Variants in B3GNT5 observed in about 807,000 individuals in gnomAD.
B3GNT5 encodes UDP-GlcNAc:betaGal beta-1,3-N-acetylglucosaminyltransferase 5.
B3GNT5 carries 11 observed loss-of-function variants against 25.9 expected under a neutral mutation model. The ratio of observed to expected loss-of-function variants is 0.42; its 90% CI spans 0.27 to 0.70. The LOEUF (loss-of-function observed/expected upper bound fraction) is 0.70, where lower values mean the gene tolerates loss of function less well. Ranked by LOEUF, B3GNT5 falls within the 30% of genes least tolerant of loss-of-function variation. The probability of loss-of-function intolerance (pLI) is 0.23; values close to 1 mark genes in which losing one functional copy is unlikely to be tolerated. For missense variants in B3GNT5, 385 were observed against 458.4 expected, an observed-to-expected ratio of 0.84 and a Z score of 1.46; for synonymous variants, 166 against 158.6, an observed-to-expected ratio of 1.05 and a Z score of -0.35.
chr3:183,272,340 T>G lies in B3GNT5; in HGVS notation c.*1405T>G. 2 of 1,000,268 alleles carry G rather than the reference T, an allele frequency of 2.0e-6. No homozygotes were observed. Among genetic ancestry groups the G allele is most frequent in the Non-Finnish European group, 2.4e-6 (2 of 829,992 alleles). The allele number at this position is 1,000,268 out of a possible 1,614,324, so 62.0% of individuals were successfully genotyped here. On this transcript the variant is annotated 3_prime_UTR_variant, in exon 2 of 2. Transcript: ENST00000326505. ...AAATAATGACTTCAGCAAGAGTGAC[T>G]GAACTCACTCTAAGGCCTTTGACTG...
At chr3:183,262,133 A>C (rs1725657653) in intron 1 of B3GNT5, among the ~76,000 whole-genome samples, 1 of 126,756 alleles carries the variant, frequency 7.9e-6, no homozygotes, top group Non-Finnish European at 1.5e-5. Context: ...TCGTTTTATG[A>C]TACTTTATTA....
chr3:183,266,588 G>GA (rs531215950), intron 1 of B3GNT5, among the ~76,000 whole-genome samples: 1 of 152,204 alleles, frequency 6.6e-6, no homozygotes, highest in African/African-American at 2.4e-5. Flanking sequence ...GAGCACTGTG[G>GA]AAAGACTGAG....
At chr3:183,256,955 CCCTTAGCCATCAGATCAGTATTTTTA>C (rs1302455038) in intron 1 of B3GNT5, among the ~76,000 whole-genome samples, 1 of 152,106 alleles carries the variant, frequency 6.6e-6, no homozygotes, top group Admixed American at 6.5e-5. Context: ...TGTTAAATGG[CCCTTAGCCATCAGATCAGTATTTTTA>C]AAAACTCCTA....
Position 183,270,741 on chromosome 3 carries a change from A to G in B3GNT5, c.943A>G (p.Ile315Val), listed in dbSNP as rs987923780. 2 of 1,613,702 alleles carry G rather than the reference A, an allele frequency of 1.2e-6. No individual in the cohort carries two copies. The highest frequency in any genetic ancestry group is 2.2e-5 in the East Asian group (1 of 44,906). ...GGGTAAAACTCCTTATCATCCCTGC[A>G]TCTATGAAAAAATGATGACATCTCA... ...GEGKTPYHPC[I>V]YEKMMTSHGH... The change falls in exon 2 of 2, where the codon ATC (isoleucine) becomes GTC (valine). Residue 315 changes from isoleucine to valine, a missense_variant. Transcript: ENST00000326505. The surrounding 1 kb of genome is among the most constrained non-coding windows in gnomAD (Gnocchi z 4.5).
intron 1 of B3GNT5, among the ~76,000 whole-genome samples, chr3:183,264,234 T>A (rs1258533279): frequency 6.6e-6 from 1 of 152,156 alleles, no homozygotes; most frequent in Non-Finnish European, 1.5e-5. Context: ...CATACACAGT[T>A]CTTGTCTAAA....
At chr3:183,262,485 A>T (rs1485964102) in intron 1 of B3GNT5, among the ~76,000 whole-genome samples, 1 of 152,076 alleles carries the variant, frequency 6.6e-6, no homozygotes. Flanking sequence ...GCATCAAAAT[A>T]TTATACTGAC....
rs1726699486 is a variant in B3GNT5 at position 183,270,791 on chromosome 3, C to G, written c.993C>G (p.Asp331Glu). 6.2e-7 allele frequency: 1 copy of G among 1,614,010 alleles called. No homozygotes were observed. Among genetic ancestry groups the G allele is most frequent in the Admixed American group, 1.7e-5 (1 of 59,986 alleles). ...TSHGHLEDLQ[D>E]LWKNATDPKV... ...ATGGACACTTAGAAGATCTCCAGGACCTTTGGAAGAATGCTACAGATCCTA... is the reference window on the plus strand; with the variant it reads ...ATGGACACTTAGAAGATCTCCAGGAGCTTTGGAAGAATGCTACAGATCCTA... Residue 331 changes from aspartate (D) to glutamate (E), a missense_variant, in exon 2 of 2, where the codon GAC becomes GAG. Coordinates refer to ENST00000326505, the MANE Select transcript of B3GNT5 (RefSeq NM_032047.5). The surrounding 1 kb of genome is among the most constrained non-coding windows in gnomAD (Gnocchi z 4.5).
At chr3:183,254,063 T>TCCGCCCCGCCC (rs1256424578) in intron 1 of B3GNT5, 6 of 151,772 alleles carry the variant, frequency 4.0e-5, no homozygotes, top group East Asian at 3.9e-4. Context: ...GGCCGGCCCC[T>TCCGCCCCGCCC]CCGCCCCGCC....
At chr3:183,253,611 G>A (rs1365695549) in intron 1 of B3GNT5, 139 bp downstream of exon 1, 1 of 152,336 alleles carries the variant, frequency 6.6e-6, no homozygotes, top group East Asian at 1.9e-4. Flanking sequence ...CCACGCATAA[G>A]TGGTGTGACC....
chr3:183,269,783 A>C lies in B3GNT5; in HGVS notation c.-16A>C. On this transcript the variant is annotated 5_prime_UTR_variant, in exon 2 of 2. Coordinates refer to ENST00000326505, the MANE Select transcript of B3GNT5 (RefSeq NM_032047.5). ...TGTTTAAAACTGATCCTAACTAAAA[A>C]CAGACTTGAGTGGATATGAGAATGT... 1.3e-6 allele frequency: 2 copies of C among 1,582,762 alleles called. No individual in the cohort carries two copies. Among genetic ancestry groups the C allele is most frequent in the East Asian group, 4.5e-5 (2 of 44,784 alleles).
intron 1 of B3GNT5, among the ~76,000 whole-genome samples, chr3:183,254,468 C>G (rs1560371597): frequency 1.3e-5 from 2 of 151,982 alleles, no homozygotes; most frequent in Admixed American, 6.6e-5. Context: ...TGGCCAGCGG[C>G]TGGGACCCAG....
At chr3:183,254,275 G>A (rs1201737482) in intron 1 of B3GNT5, 1 of 151,814 alleles carries the variant, frequency 6.6e-6, no homozygotes, top group Non-Finnish European at 1.5e-5. Flanking sequence ...GGCTGGCGTG[G>A]ACACCGGATC....
In B3GNT5 at chr3:183,257,958, C is replaced by CTTTTTTTTTT. The variant is rs35323502; in HGVS notation, c.-302+4504_-302+4513dup. On this transcript the variant is annotated intron_variant, in intron 1 of 1. Coordinates refer to ENST00000326505, the MANE Select transcript of B3GNT5 (RefSeq NM_032047.5). ...TATTCCTTGCTCCCTCCACTTCACC[C>CTTTTTTTTTT]TTTTTTTTTTTTTTTTTTTTTTTTT... Among the ~76,000 whole-genome samples the CTTTTTTTTTT allele has an allele frequency of 9.4e-3, 609 of 64,742 alleles. 121 individuals are homozygous for CTTTTTTTTTT. Among genetic ancestry groups the CTTTTTTTTTT allele is most frequent in the African/African-American group, 0.031 (448 of 14,398 alleles). The allele number at this position is 64,742 out of a possible 152,430, so 42.5% of individuals were successfully genotyped here. A position where few individuals can be genotyped will look rare whatever the true frequency, so the allele number is the denominator to read the frequency against.
At chr3:183,255,651 T>C (rs114226988) in intron 1 of B3GNT5, among the ~76,000 whole-genome samples, 174 of 152,234 alleles carry the variant, frequency 1.1e-3, no homozygotes, top group African/African-American at 4.1e-3. Context: ...GAGGTAGAGA[T>C]GCTTATAACT....
chr3:183,256,748 C>T (rs1432616326), intron 1 of B3GNT5, among the ~76,000 whole-genome samples: 1 of 152,162 alleles, frequency 6.6e-6, no homozygotes, highest in African/African-American at 2.4e-5. Context: ...ATGGACTCAC[C>T]TCAAGTTTCC....
chr3:183,272,052 C>T lies in B3GNT5; in HGVS notation c.*1117C>T, dbSNP rs192043368. On this transcript the variant is annotated 3_prime_UTR_variant, in exon 2 of 2. Coordinates refer to ENST00000326505, the MANE Select transcript of B3GNT5 (RefSeq NM_032047.5). ...AAAACAATTTATTTTTCATCAATAA[C>T]TGTCAGAGGTGATCTTTATTTTCTA... 1 of 596,534 alleles carries T rather than the reference C, an allele frequency of 1.7e-6. No homozygotes were observed. Among genetic ancestry groups the T allele is most frequent in the Non-Finnish European group, 2.2e-6 (1 of 461,440 alleles). 37.0% of individuals were successfully genotyped at this position (596,534 alleles called of 1,614,324 possible). A position where few individuals can be genotyped will look rare whatever the true frequency, so the allele number is the denominator to read the frequency against.
At chr3:183,262,459 A>AT (rs985289938) in intron 1 of B3GNT5, among the ~76,000 whole-genome samples, 3 of 151,882 alleles carry the variant, frequency 2.0e-5, no homozygotes, top group African/African-American at 7.3e-5. Flanking sequence ...AGTAACTTTG[A>AT]TTTTTTAAAA....
At chr3:183,259,410 G>A (rs1321110400) in intron 1 of B3GNT5, among the ~76,000 whole-genome samples, 1 of 152,148 alleles carries the variant, frequency 6.6e-6, no homozygotes, top group Non-Finnish European at 1.5e-5. Flanking sequence ...CTTATTGATA[G>A]GAGAACTTGT....
chr3:183,263,845 G>A (rs766626724), intron 1 of B3GNT5, among the ~76,000 whole-genome samples: 2 of 151,742 alleles, frequency 1.3e-5, no homozygotes, highest in African/African-American at 4.9e-5. Context: ...TCCTTTACTC[G>A]CCATCCCAGG....
Sources: allele counts gnomAD v4.1 joint callset (sites outside exome capture counted in the v4.1 genomes callset), GRCh38; gene constraint gnomAD v4.1.1; non-coding constraint Gnocchi (gnomAD v3.1); transcripts MANE v1.5; gene names NCBI Gene and HGNC (gene_info 2026-07-23, HGNC 2026-07-21).